The following FBXO25 variants were observed in gnomAD, a reference collection of about 807,000 sequenced individuals.
FBXO25 encodes the protein F-box only protein 25.
FBXO25 carries 45 observed loss-of-function variants against 51.9 expected under a neutral mutation model. The observed-to-expected ratio is 0.87, with a 90% CI of 0.68 to 1.11. The LOEUF is 1.11. FBXO25 is among the 50% of genes most tolerant of loss of function. The pLI, the probability that FBXO25 is intolerant of heterozygous loss-of-function variation, is 0.00. For synonymous variants in FBXO25, 199 were observed against 151.0 expected (o/e 1.32, Z -2.33); for missense variants, 507 against 428.5 (o/e 1.18, Z -1.62).
intron 5 of FBXO25, among the ~76,000 whole-genome samples, chr8:446,483 G>A (rs146060686): frequency 0.13 from 20,501 of 152,144 alleles, 2,056 homozygotes; most frequent in African/African-American, 0.28. Flanking sequence ...GAAATCCATT[G>A]TTGTGTGAAT....
chr8:422,888 C>T (rs999106434), intron 2 of FBXO25, among the ~76,000 whole-genome samples: 6 of 152,002 alleles, frequency 3.9e-5, no homozygotes, highest in African/African-American at 4.8e-5. Context: ...GTATGTGTTA[C>T]GGGAGGTACA....
intron 7 of FBXO25, among the ~76,000 whole-genome samples, chr8:456,529 G>A (rs1259376405): frequency 6.6e-6 from 1 of 152,156 alleles, no homozygotes; most frequent in African/African-American, 2.4e-5. Flanking sequence ...GATGTCTCTT[G>A]GACTGTGCAG....
intron 8 of FBXO25, among the ~76,000 whole-genome samples, chr8:459,178 TGC>T (rs939177887): frequency 9.2e-5 from 14 of 152,240 alleles, no homozygotes; most frequent in Non-Finnish European, 1.9e-4. Context: ...CCAAGGCACC[TGC>T]TCTGCACAGG....
intron 2 of FBXO25, among the ~76,000 whole-genome samples, chr8:419,439 C>A (rs146850439): frequency 6.6e-6 from 1 of 152,146 alleles, no homozygotes; most frequent in South Asian, 2.1e-4. Context: ...GTATGTGGTA[C>A]TGGCGAAAAG....
chr8:440,448 A>G (rs1427153954), intron 5 of FBXO25, among the ~76,000 whole-genome samples: 1 of 152,234 alleles, frequency 6.6e-6, no homozygotes. Flanking sequence ...AATGGAGTCA[A>G]GGACAGAGAC....
intron 5 of FBXO25, among the ~76,000 whole-genome samples, chr8:440,399 A>G (rs1203043257): frequency 1.3e-5 from 2 of 152,232 alleles, no homozygotes; most frequent in Non-Finnish European, 2.9e-5. Context: ...AGAGGTAAAG[A>G]CAAGAAAATG....
intron 5 of FBXO25, among the ~76,000 whole-genome samples, chr8:440,157 T>C (rs1019754965): frequency 5.9e-5 from 9 of 152,302 alleles, no homozygotes; most frequent in African/African-American, 1.9e-4. Context: ...GAATTCTGTC[T>C]CTTTCTTATT....
chr8:435,683 C>A lies in FBXO25; in HGVS notation c.357C>A (p.Ile119=), dbSNP rs760120607. ...RLDFSSAIQD[I]RRFNYVVKLL... ...ACTTCTCAAGTGCAATTCAAGATAT[C>A]CGAAGGTTCAATTATGTGGTCAAAG... Residue 119 remains isoleucine (I), a synonymous_variant, in exon 5 of 10, where the codon ATC becomes ATA. Transcript: ENST00000350302. 2.1e-5 allele frequency: 33 copies of A among 1,597,434 alleles called. No individual in the cohort carries two copies. The Middle Eastern group carries it at 6.8e-4, about 33-fold the overall frequency.
In FBXO25 at chr8:477,914, G is replaced by T. The variant is rs919467253; in HGVS notation, c.*9110G>T. On this transcript the variant is annotated 3_prime_UTR_variant, in exon 10 of 10. Coordinates refer to ENST00000350302, the MANE Select transcript of FBXO25 (RefSeq NM_183420.2). ...TGGCCTGTATTTCACTTGCCAACCT[G>T]ATTTATACTTTTGTATCTATTTGAC... 6.6e-6 allele frequency: 1 copy of T among 152,152 alleles called. No individual in the cohort carries two copies. Among genetic ancestry groups the T allele is most frequent in the South Asian group, 2.1e-4 (1 of 4,812 alleles). 9.4% of individuals were successfully genotyped at this position (152,152 alleles called of 1,614,324 possible).
intron 7 of FBXO25, among the ~76,000 whole-genome samples, chr8:454,910 GAAAAC>G (rs1563092007): frequency 0.014 from 1,419 of 103,438 alleles, 39 homozygotes; most frequent in African/African-American, 0.067. Context: ...AAAAGAAAAA[GAAAAC>G]AAAGAATGAG....
At chr8:417,276 C>A (rs1379137350) in intron 2 of FBXO25, among the ~76,000 whole-genome samples, 1 of 152,218 alleles carries the variant, frequency 6.6e-6, no homozygotes, top group African/African-American at 2.4e-5. Flanking sequence ...CAGGCCTATG[C>A]TTTAACAGGA....
rs199892521 is a variant in FBXO25 at position 463,963 on chromosome 8, C to T, written c.987+813C>T. Among the ~76,000 whole-genome samples the T allele has an allele frequency of 5.7e-3, 857 of 149,440 alleles. 6 individuals are homozygous for T. Among genetic ancestry groups the T allele is most frequent in the African/African-American group, 0.02 (824 of 41,226 alleles). Reference sequence around the variant, plus strand: ...GCTACCACACCCAGCTAATTCACTTCTTTTTTTTGTTTGTTTTTTTGAAAC... The same window carrying T: ...GCTACCACACCCAGCTAATTCACTTTTTTTTTTTGTTTGTTTTTTTGAAAC... On this transcript the variant is annotated intron_variant, in intron 9 of 9. Transcript: ENST00000350302.
At chr8:407,715 A>G (rs1421360096) in intron 1 of FBXO25, among the ~76,000 whole-genome samples, 1 of 151,054 alleles carries the variant, frequency 6.6e-6, no homozygotes, top group Admixed American at 6.6e-5. Context: ...CCTCCAGGCC[A>G]CTCTGCCCCG....
chr8:452,775 G>A (rs941823765), intron 7 of FBXO25, among the ~76,000 whole-genome samples: 3 of 152,206 alleles, frequency 2.0e-5, no homozygotes, highest in African/African-American at 4.8e-5. Context: ...GATGTGCACC[G>A]GTGGAGACAA....
intron 2 of FBXO25, among the ~76,000 whole-genome samples, chr8:421,462 T>G (rs1563066573): frequency 6.6e-6 from 1 of 152,198 alleles, no homozygotes; most frequent in Non-Finnish European, 1.5e-5. Flanking sequence ...TTAGTGCACT[T>G]GTTTCTCATA....
At chr8:438,118 G>T (rs1393356118) in intron 5 of FBXO25, among the ~76,000 whole-genome samples, 1 of 151,270 alleles carries the variant, frequency 6.6e-6, no homozygotes. Flanking sequence ...GCAGTGGCAC[G>T]ATCTCTGCTC....
intron 2 of FBXO25, among the ~76,000 whole-genome samples, chr8:428,327 A>C (rs573184165): frequency 2.0e-5 from 3 of 152,170 alleles, no homozygotes; most frequent in African/African-American, 7.2e-5. Context: ...TCATTCAGAC[A>C]TGTTTTAAGT....
intron 2 of FBXO25, among the ~76,000 whole-genome samples, chr8:415,159 T>G (rs1272486709): frequency 6.6e-6 from 1 of 152,226 alleles, no homozygotes; most frequent in Non-Finnish European, 1.5e-5. Context: ...TGATTTAAGG[T>G]GGGCTTTCAA....
intron 5 of FBXO25, among the ~76,000 whole-genome samples, chr8:447,236 G>C (rs1329450217): frequency 1.3e-5 from 2 of 152,144 alleles, no homozygotes; most frequent in Non-Finnish European, 2.9e-5. Context: ...GGGCTGTGGG[G>C]TCTCCCAGGG....
Sources: gnomAD v4.1 joint callset for allele counts (sites outside exome capture counted in the v4.1 genomes callset) on GRCh38, gnomAD v4.1.1 for gene constraint, MANE v1.5 for transcripts, NCBI Gene and HGNC (gene_info 2026-07-23, HGNC 2026-07-21) for gene names.